The following VKORC1L1 variants were observed in gnomAD, a reference collection of about 807,000 sequenced individuals.
VKORC1L1 encodes vitamin K epoxide reductase complex subunit 1-like protein 1.
A neutral mutation model predicts 18.9 loss-of-function variants in VKORC1L1; 2 were observed. The ratio of observed to expected loss-of-function variants is 0.11; its 90% CI spans 0.04 to 0.33. The LOEUF (loss-of-function observed/expected upper bound fraction) is 0.33, where lower values mean the gene tolerates loss of function less well. Among genes scored for constraint, VKORC1L1 ranks in the 10% least tolerant of loss-of-function variants. VKORC1L1 has a pLI of 1.00. For synonymous variants in VKORC1L1, 96 were observed against 100.0 expected (o/e 0.96, Z 0.24); for missense variants, 123 against 224.1 (o/e 0.55, Z 2.88).
At chr7:65,870,578 CTAATA>C (rs1056460039), upstream of VKORC1L1, among the ~76,000 whole-genome samples, 2 of 152,234 alleles carry the variant, frequency 1.3e-5, no homozygotes, top group Non-Finnish European at 2.9e-5. Flanking sequence ...TTGTGGATAT[CTAATA>C]TAATGGACTA....
intron 1 of VKORC1L1, among the ~76,000 whole-genome samples, chr7:65,939,076 C>T (rs577386717): frequency 1.1e-4 from 16 of 152,126 alleles, no homozygotes; most frequent in Admixed American, 7.2e-4. Context: ...AACAGGACAC[C>T]GAAGAACATC....
chr7:65,902,179 C>G (rs1019782962), intron 1 of VKORC1L1, among the ~76,000 whole-genome samples: 5 of 152,150 alleles, frequency 3.3e-5, no homozygotes, highest in African/African-American at 9.6e-5. Context: ...ATCAGGAGAA[C>G]AATCAGCAGA....
intron 1 of VKORC1L1, among the ~76,000 whole-genome samples, chr7:65,910,191 A>C (rs527811661): frequency 2.6e-5 from 4 of 152,262 alleles, no homozygotes; most frequent in Middle Eastern, 3.4e-3. Flanking sequence ...CTGTAATTCA[A>C]ATTTCTCCTC....
chr7:65,870,265 G>GAA (rs58681634), upstream of VKORC1L1, among the ~76,000 whole-genome samples: 9 of 110,426 alleles, frequency 8.2e-5, no homozygotes, highest in South Asian at 3.1e-4. Context: ...ACTAAGTACA[G>GAA]AAAAAAAAAA....
At chr7:65,866,622 A>C in the VKORC1L1 span, among the ~76,000 whole-genome samples, 1 of 152,160 alleles carries the variant, frequency 6.6e-6, no homozygotes, top group Non-Finnish European at 1.5e-5. Flanking sequence ...AGAAGATGAA[A>C]AATTAGTCTG....
chr7:65,901,881 G>A (rs1033389336), intron 1 of VKORC1L1, among the ~76,000 whole-genome samples: 2 of 152,084 alleles, frequency 1.3e-5, no homozygotes, highest in Non-Finnish European at 2.9e-5. Flanking sequence ...CACAGAGCTG[G>A]GAATAGTCTG....
intron 1 of VKORC1L1, among the ~76,000 whole-genome samples, chr7:65,882,795 TAA>T (rs1788949639): frequency 2.6e-5 from 4 of 152,246 alleles, no homozygotes; most frequent in Admixed American, 6.5e-5. Context: ...GTACATATTG[TAA>T]AGTTTTTATT....
chr7:65,894,123 T>G (rs1789151508), intron 1 of VKORC1L1, among the ~76,000 whole-genome samples: 1 of 151,910 alleles, frequency 6.6e-6, no homozygotes, highest in Non-Finnish European at 1.5e-5. Flanking sequence ...CCCGACTAAT[T>G]TTTGTATTTT....
At chr7:65,929,682 G>GTATATATATA (rs34648135) in intron 1 of VKORC1L1, among the ~76,000 whole-genome samples, 70 of 128,626 alleles carry the variant, frequency 5.4e-4, no homozygotes, top group African/African-American at 1.3e-3. Context: ...GTGTGTGTGT[G>GTATATATATA]TATATATATA....
At chr7:65,892,427 C>A (rs550647132) in intron 1 of VKORC1L1, among the ~76,000 whole-genome samples, 5 of 152,174 alleles carry the variant, frequency 3.3e-5, no homozygotes, top group Non-Finnish European at 7.4e-5. Context: ...TTTTCCACAT[C>A]CTCACCATCA....
rs1238424811 is a variant in VKORC1L1, at chr7:65,888,509, C to T, written c.194+14944C>T. Among the ~76,000 whole-genome samples, 28 of 151,766 alleles carry T rather than the reference C, an allele frequency of 1.8e-4. 1 individual carries two copies. The highest frequency in any genetic ancestry group is 6.2e-4 in the South Asian group (3 of 4,804). ...ATTTCACTCCTTTCTGTCAGTTGCTCGAGGTCATGTAACCAGAGTGAGCCC... is the reference window on the plus strand; with the variant it reads ...ATTTCACTCCTTTCTGTCAGTTGCTTGAGGTCATGTAACCAGAGTGAGCCC... On this transcript the variant is annotated intron_variant, in intron 1 of 2. Transcript: ENST00000360768.
At chr7:65,896,328 T>A (rs1789211788) in intron 1 of VKORC1L1, among the ~76,000 whole-genome samples, 1 of 152,190 alleles carries the variant, frequency 6.6e-6, no homozygotes, top group African/African-American at 2.4e-5. Context: ...GTTTCTATAT[T>A]TTGGCTAAAG....
At chr7:65,884,907 G>C (rs1315159587) in intron 1 of VKORC1L1, among the ~76,000 whole-genome samples, 1 of 152,048 alleles carries the variant, frequency 6.6e-6, no homozygotes, top group African/African-American at 2.4e-5. Context: ...TTTATTAACT[G>C]TGTTTCTTCT....
At chr7:65,931,647 T>C (rs1583856630) in intron 1 of VKORC1L1, among the ~76,000 whole-genome samples, 1 of 152,194 alleles carries the variant, frequency 6.6e-6, no homozygotes, top group South Asian at 2.1e-4. Context: ...ATTGATTTTC[T>C]TTTTCTTTTT....
At position 65,873,530 on chromosome 7, in the gene VKORC1L1, G is replaced by A. The variant is rs763000895; in HGVS notation, c.159G>A (p.Gly53=). 3.2e-6 allele frequency: 5 copies of A among 1,579,918 alleles called. No homozygotes were observed. The highest frequency in any genetic ancestry group is 1.8e-5 in the Admixed American group (1 of 56,694). Residue 53 remains glycine, a synonymous_variant, in exon 1 of 3, where the codon GGG becomes GGA. Coordinates refer to ENST00000360768, the MANE Select transcript of VKORC1L1 (RefSeq NM_173517.6). ...AGCACCGGGCCCTCTGCGACCTGGGGCCCTGGGTGAAGTGCTCCGCCGCCC... is the reference window on the plus strand; with the variant it reads ...AGCACCGGGCCCTCTGCGACCTGGGACCCTGGGTGAAGTGCTCCGCCGCCC... The part of the protein sequence containing the change: ...DPEHRALCDL[G]PWVKCSAALA...
At chr7:65,952,767 CT>C (rs377753156) in intron 2 of VKORC1L1, among the ~76,000 whole-genome samples, 8 of 128,974 alleles carry the variant, frequency 6.2e-5, no homozygotes, top group African/African-American at 1.7e-4. Context: ...ATTCAGGTGC[CT>C]TTTTTTTTCC....
rs570339739 is a variant in VKORC1L1 at position 65,876,978 on chromosome 7, T to A, written c.194+3413T>A. Among the ~76,000 whole-genome samples, 49 of 152,284 alleles carry A rather than the reference T, an allele frequency of 3.2e-4. No individual in the cohort carries two copies. The East Asian group carries it at 6.0e-3, about 19-fold the overall frequency. On this transcript the variant is annotated intron_variant, in intron 1 of 2. Coordinates refer to ENST00000360768, the MANE Select transcript of VKORC1L1 (RefSeq NM_173517.6). ...TGAGGATCACTTGAGCCTGAGAGGCTGAGGTCTGCAGTGAGCCATGATGGT... is the reference window on the plus strand; with the variant it reads ...TGAGGATCACTTGAGCCTGAGAGGCAGAGGTCTGCAGTGAGCCATGATGGT...
intron 1 of VKORC1L1, among the ~76,000 whole-genome samples, chr7:65,886,744 A>G (rs1238230996): frequency 6.7e-6 from 1 of 149,968 alleles, no homozygotes; most frequent in East Asian, 2.0e-4. Context: ...TCACCGTGTT[A>G]GCCAGGATGG....
chr7:65,954,024 CCT>C, intron 2 of VKORC1L1, 48 bp from the exon 3 acceptor site: 1 of 1,508,952 alleles, frequency 6.6e-7, no homozygotes, highest in Non-Finnish European at 9.0e-7. Flanking sequence ...ACTCAGAAAG[CCT>C]CTCTCCAGCA....
Sources: gnomAD v4.1 joint callset for allele counts (sites outside exome capture counted in the v4.1 genomes callset) on GRCh38, gnomAD v4.1.1 for gene constraint, MANE v1.5 for transcripts, NCBI Gene and HGNC (gene_info 2026-07-23, HGNC 2026-07-21) for gene names.